Variants in BCAR3 observed in about 807,000 individuals in gnomAD.
BCAR3 encodes the protein BCAR3 adaptor protein, NSP family member.
A neutral mutation model predicts 80.1 loss-of-function variants in BCAR3; 37 were observed. The observed-to-expected ratio is 0.46, with a 90% CI of 0.36 to 0.61. The LOEUF (loss-of-function observed/expected upper bound fraction) is 0.61, where lower values mean the gene tolerates loss of function less well. Ranked by LOEUF, BCAR3 falls within the 20% of genes least tolerant of loss-of-function variation. BCAR3 has a pLI of 0.00. For synonymous variants in BCAR3, 389 were observed against 418.9 expected (o/e 0.93, Z 0.87); for missense variants, 978 against 1,068.2 (o/e 0.92, Z 1.18).
At chr1:93,564,035 G>GTATC (rs1672817085) in intron 11 of BCAR3, among the ~76,000 whole-genome samples, 1 of 151,916 alleles carries the variant, frequency 6.6e-6, no homozygotes, top group African/African-American at 2.4e-5. Flanking sequence ...TAGTGTGGTG[G>GTATC]TATCTCATTG....
intron 3 of BCAR3, among the ~76,000 whole-genome samples, chr1:93,697,234 T>C (rs537500313): frequency 2.9e-4 from 44 of 152,296 alleles, no homozygotes; most frequent in African/African-American, 1.0e-3. Flanking sequence ...GGGGGAGAGA[T>C]GGAATCATAA....
intron 2 of BCAR3, among the ~76,000 whole-genome samples, chr1:93,709,485 G>C (rs1453995550): frequency 1.3e-5 from 2 of 152,232 alleles, no homozygotes; most frequent in African/African-American, 4.8e-5. Context: ...TCAGTGAAGT[G>C]GGTCTTGATC....
At chr1:93,681,119 C>T (rs954691575) in intron 1 of BCAR3, 1 of 152,316 alleles carries the variant, frequency 6.6e-6, no homozygotes, top group Non-Finnish European at 1.5e-5. Flanking sequence ...GAGAAACTCG[C>T]CTCCTCGGAG....
chr1:93,587,360 T>C (rs972088141), intron 5 of BCAR3, among the ~76,000 whole-genome samples: 1 of 152,148 alleles, frequency 6.6e-6, no homozygotes, highest in Admixed American at 6.6e-5. Flanking sequence ...CAGATAATAA[T>C]TATCATGAGC....
chr1:93,794,215 A>T (rs1338718968), intron 2 of BCAR3, among the ~76,000 whole-genome samples: 1 of 72,974 alleles, frequency 1.4e-5, no homozygotes, highest in Non-Finnish European at 2.3e-5. Flanking sequence ...ATCCTTGTTG[A>T]CTTTCTGTCT....
At chr1:93,801,642 G>C (rs1653482408) in intron 2 of BCAR3, among the ~76,000 whole-genome samples, 1 of 152,174 alleles carries the variant, frequency 6.6e-6, no homozygotes, top group South Asian at 2.1e-4. Flanking sequence ...GCTTTTGCTT[G>C]GTCTGCAGCT....
chr1:93,629,723 G>T (rs1220016667), intron 3 of BCAR3, among the ~76,000 whole-genome samples: 1 of 152,226 alleles, frequency 6.6e-6, no homozygotes. Flanking sequence ...TTTTGGTGTT[G>T]AAGTTACTGA....
chr1:93,567,929 G>A, intron 9 of BCAR3, 78 bp from the exon 10 acceptor site: 8 of 1,190,254 alleles, frequency 6.7e-6, no homozygotes, highest in Non-Finnish European at 9.9e-6. Flanking sequence ...GCTCACGCCT[G>A]TAATGCCAGC....
At chr1:93,785,228 G>A (rs1652898387) in intron 2 of BCAR3, among the ~76,000 whole-genome samples, 1 of 152,218 alleles carries the variant, frequency 6.6e-6, no homozygotes. Flanking sequence ...CAAATGAAGG[G>A]TAGGCTATTA....
chr1:93,602,548 GC>G, intron 3 of BCAR3: 2 of 152,174 alleles, frequency 1.3e-5, no homozygotes, highest in Non-Finnish European at 2.9e-5. Context: ...GCTACATCTG[GC>G]ATCGTCTTAC....
chr1:93,631,576 C>G (rs572501269), intron 3 of BCAR3, among the ~76,000 whole-genome samples: 1 of 152,140 alleles, frequency 6.6e-6, no homozygotes, highest in African/African-American at 2.4e-5. Flanking sequence ...ACACCAGATT[C>G]GAAGTCCAAT....
At chr1:93,831,773 T>G (rs1297039646) in intron 2 of BCAR3, among the ~76,000 whole-genome samples, 2 of 152,040 alleles carry the variant, frequency 1.3e-5, no homozygotes, top group African/African-American at 4.8e-5. Context: ...TATAATCCTT[T>G]TATCATCCCC....
chr1:93,812,436 C>T (rs1176852371), intron 2 of BCAR3, among the ~76,000 whole-genome samples: 1 of 152,182 alleles, frequency 6.6e-6, no homozygotes, highest in East Asian at 1.9e-4. Context: ...GGCTCTGCAC[C>T]ACCTGCCAAA....
intron 3 of BCAR3, among the ~76,000 whole-genome samples, chr1:93,694,877 C>T (rs1243893630): frequency 2.6e-5 from 4 of 152,228 alleles, no homozygotes; most frequent in Non-Finnish European, 5.9e-5. Flanking sequence ...TGTGACAGCA[C>T]CTCCAATGCT....
chr1:93,581,116 C>CGCA (rs1347764527), intron 7 of BCAR3, among the ~76,000 whole-genome samples: 1 of 151,288 alleles, frequency 6.6e-6, no homozygotes, highest in African/African-American at 2.4e-5. Context: ...GAGCTGTGAA[C>CGCA]GCACCTCTGC....
chr1:93,573,630 AT>A (rs1422568036), intron 8 of BCAR3, among the ~76,000 whole-genome samples: 1 of 139,122 alleles, frequency 7.2e-6, no homozygotes, highest in South Asian at 2.1e-4. Context: ...TATTATTATT[AT>A]TATTTTTTTT....
chr1:93,613,686 T>A (rs367563371), intron 3 of BCAR3, among the ~76,000 whole-genome samples: 1 of 151,982 alleles, frequency 6.6e-6, no homozygotes, highest in South Asian at 2.1e-4. Context: ...CCAGGGGAGG[T>A]ACACCACTAG....
intron 2 of BCAR3, among the ~76,000 whole-genome samples, chr1:93,741,889 C>A (rs1651191316): frequency 6.6e-6 from 1 of 152,148 alleles, no homozygotes; most frequent in South Asian, 2.1e-4. Flanking sequence ...TAAATTTAAT[C>A]TTCACAATGA....
chr1:93,651,007 C>A (rs1440385935), intron 2 of BCAR3, among the ~76,000 whole-genome samples: 1 of 152,158 alleles, frequency 6.6e-6, no homozygotes, highest in Non-Finnish European at 1.5e-5. Context: ...TTCACTTATA[C>A]CCTAAAAGTA....
Sources: allele counts gnomAD v4.1 joint callset (sites outside exome capture counted in the v4.1 genomes callset), GRCh38; gene constraint gnomAD v4.1.1; transcripts MANE v1.5; gene names NCBI Gene and HGNC (gene_info 2026-07-23, HGNC 2026-07-21).